ARMH3: variants seen among roughly 807,000 people sequenced by gnomAD.
ARMH3 encodes armadillo like helical domain containing 3.
In ARMH3, 60 loss-of-function variants were observed where a neutral mutation model predicts 99.1. The ratio of observed to expected loss-of-function variants is 0.61; its 90% confidence interval spans 0.49 to 0.75. The LOEUF is 0.75. ARMH3 is among the 30% of genes least tolerant of loss of function. ARMH3 has a pLI of 0.00. For synonymous variants in ARMH3, 285 were observed against 292.8 expected (o/e 0.97, Z 0.27); for missense variants, 679 against 843.1 (o/e 0.81, Z 2.41).
intron 24 of ARMH3, among the ~76,000 whole-genome samples, chr10:101,876,108 G>T (rs1157771126): frequency 6.6e-6 from 1 of 151,952 alleles, no homozygotes; most frequent in Non-Finnish European, 1.5e-5. Context: ...AATCAGCTGG[G>T]CATGGTGGCA....
At chr10:101,862,546 C>T (rs981791555) in intron 24 of ARMH3, among the ~76,000 whole-genome samples, 2 of 152,102 alleles carry the variant, frequency 1.3e-5, no homozygotes, top group African/African-American at 4.8e-5. Flanking sequence ...CACTGTACTC[C>T]AGACCTGGCA....
At chr10:101,887,006 G>A (rs571302672) in intron 24 of ARMH3, among the ~76,000 whole-genome samples, 4 of 152,286 alleles carry the variant, frequency 2.6e-5, no homozygotes, top group African/African-American at 9.6e-5. Flanking sequence ...AGCTCTTTGA[G>A]AGGCCATGAA....
chr10:101,895,941 C>G (rs573195718), intron 23 of ARMH3, among the ~76,000 whole-genome samples: 1 of 152,264 alleles, frequency 6.6e-6, no homozygotes, highest in South Asian at 2.1e-4. Flanking sequence ...CAATGAGATA[C>G]CACTTCACAC....
intron 4 of ARMH3, 132 bp downstream of exon 4, chr10:102,032,894 A>C (rs1474771359): frequency 4.0e-6 from 4 of 993,978 alleles, no homozygotes; most frequent in Non-Finnish European, 4.4e-6. Flanking sequence ...TGGCATAAAT[A>C]TTTGGTAACT....
intron 23 of ARMH3, among the ~76,000 whole-genome samples, chr10:101,920,310 C>G (rs1843255816): frequency 6.6e-6 from 1 of 152,054 alleles, no homozygotes; most frequent in Non-Finnish European, 1.5e-5. Context: ...AATGGTATAT[C>G]CAAAAGGCCT....
intron 23 of ARMH3, among the ~76,000 whole-genome samples, chr10:101,911,015 C>T (rs914323886): frequency 6.6e-6 from 1 of 151,936 alleles, no homozygotes; most frequent in Admixed American, 6.6e-5. Context: ...TGGCAGGCGC[C>T]TGTAATCCCA....
chr10:102,032,433 CT>C (rs1413743691), intron 4 of ARMH3, among the ~76,000 whole-genome samples: 1 of 152,196 alleles, frequency 6.6e-6, no homozygotes, highest in Non-Finnish European at 1.5e-5. Context: ...TGGAGTCTCG[CT>C]CTGTTGCCCA....
intron 14 of ARMH3, 38 bp from the exon 15 acceptor site, chr10:102,002,110 A>T: frequency 6.2e-7 from 1 of 1,609,398 alleles, no homozygotes; most frequent in Non-Finnish European, 8.5e-7. Flanking sequence ...AGCCTGCAAC[A>T]TATTCCATCT....
chr10:101,892,337 T>C (rs1171133461), intron 23 of ARMH3, among the ~76,000 whole-genome samples: 2 of 152,132 alleles, frequency 1.3e-5, no homozygotes, highest in African/African-American at 4.8e-5. Context: ...CATTTGCCTG[T>C]AGTCTCAGCT....
chr10:101,913,336 A>G (rs1842942123), intron 23 of ARMH3: 1 of 144,820 alleles, frequency 6.9e-6, no homozygotes, highest in Non-Finnish European at 1.5e-5. Context: ...AGAAGGAAGT[A>G]CATTCTCTCT....
chr10:101,895,815 T>C (rs557472931), intron 23 of ARMH3, among the ~76,000 whole-genome samples: 6 of 152,354 alleles, frequency 3.9e-5, no homozygotes, highest in South Asian at 4.1e-4. Flanking sequence ...AGGACTCTTA[T>C]AATTCAACAA....
intron 24 of ARMH3, among the ~76,000 whole-genome samples, chr10:101,882,387 T>C (rs1237302911): frequency 6.6e-6 from 1 of 152,212 alleles, no homozygotes; most frequent in Non-Finnish European, 1.5e-5. Flanking sequence ...AATCACCATG[T>C]CACAGCATTT....
At chr10:101,941,838 T>A (rs78827479) in intron 22 of ARMH3, among the ~76,000 whole-genome samples, 7,501 of 152,298 alleles carry the variant, frequency 0.049, 204 homozygotes, top group Middle Eastern at 0.095. Flanking sequence ...TTTATTTTTT[T>A]AATTTTATTA....
At chr10:101,958,825 G>T (rs1342649126) in intron 20 of ARMH3, among the ~76,000 whole-genome samples, 8 of 152,176 alleles carry the variant, frequency 5.3e-5, no homozygotes, top group Non-Finnish European at 8.8e-5. Flanking sequence ...AGGGAATGAT[G>T]AGTAGGAGTG....
chr10:102,046,992 G>C (rs2067569993), intron 1 of ARMH3, among the ~76,000 whole-genome samples: 1 of 152,192 alleles, frequency 6.6e-6, no homozygotes, highest in Non-Finnish European at 1.5e-5. Flanking sequence ...GTCTGATGTA[G>C]ATACATCTGT....
chr10:101,970,054 G>A (rs1845701161), intron 20 of ARMH3, among the ~76,000 whole-genome samples: 1 of 152,146 alleles, frequency 6.6e-6, no homozygotes, highest in Admixed American at 6.5e-5. Flanking sequence ...CTATTTAAAT[G>A]CAGCCTGCCT....
intron 23 of ARMH3, among the ~76,000 whole-genome samples, chr10:101,902,753 G>A (rs550618355): frequency 5.9e-5 from 9 of 152,100 alleles, no homozygotes; most frequent in Non-Finnish European, 1.3e-4. Flanking sequence ...ACCAAGCAGC[G>A]CTGCCCAGGA....
At chr10:102,035,328 A>G (rs2136220014) in intron 2 of ARMH3, among the ~76,000 whole-genome samples, 1 of 152,144 alleles carries the variant, frequency 6.6e-6, no homozygotes, top group Non-Finnish European at 1.5e-5. Context: ...TTGTGCCACT[A>G]CACTCCGGCC....
chr10:101,879,897 T>A (rs917448140), intron 24 of ARMH3, among the ~76,000 whole-genome samples: 3 of 152,180 alleles, frequency 2.0e-5, no homozygotes, highest in African/African-American at 7.2e-5. Flanking sequence ...AACATAAAGA[T>A]GATTACTGAG....
Sources: gnomAD v4.1 joint callset for allele counts (sites outside exome capture counted in the v4.1 genomes callset) on GRCh38, gnomAD v4.1.1 for gene constraint, MANE v1.5 for transcripts, NCBI Gene and HGNC (gene_info 2026-07-23, HGNC 2026-07-21) for gene names.